Variants in EXD3 observed in about 807,000 individuals in gnomAD.
EXD3 encodes exonuclease mut-7 homolog.
In EXD3, 92 loss-of-function variants were observed where a neutral mutation model predicts 98.0. The ratio of observed to expected loss-of-function variants is 0.94; its 90% CI spans 0.79 to 1.12. EXD3 has a LOEUF of 1.12. Among genes scored for constraint, EXD3 ranks in the 50% most tolerant of loss-of-function variants. The probability of loss-of-function intolerance (pLI) is 0.00; values close to 1 mark genes in which losing one functional copy is unlikely to be tolerated. For synonymous variants in EXD3, 569 were observed against 526.0 expected (o/e 1.08, Z -1.12); for missense variants, 1,222 against 1,191.6 (o/e 1.03, Z -0.38).
chr9:137,324,006 G>T lies in EXD3; in HGVS notation c.2052+84C>A. 6.5e-7 allele frequency: 1 copy of T among 1,534,374 alleles called. No individual in the cohort carries two copies. The highest frequency in any genetic ancestry group is 2.4e-5 in the East Asian group (1 of 40,944). ...CTGGGGGTCGGCCCCACGGCAAGCT[G>T]ACCCTGAGGTGGGGGTGGCCGAGGG... On this transcript the variant is annotated intron_variant, in intron 18 of 21. Transcript: ENST00000340951. The surrounding 1 kb of genome is among the most constrained non-coding windows in gnomAD (Gnocchi z 4.1).
At chr9:137,331,531 C>T (rs1328171081) in intron 17 of EXD3, among the ~76,000 whole-genome samples, 1 of 152,222 alleles carries the variant, frequency 6.6e-6, no homozygotes, top group Non-Finnish European at 1.5e-5. Flanking sequence ...CTCCAAAAGA[C>T]TCCTCGATTT....
chr9:137,366,327 C>T, intron 7 of EXD3, 166 bp downstream of exon 7: 1 of 1,003,266 alleles, frequency 1.0e-6, no homozygotes, highest in Non-Finnish European at 1.5e-6. Context: ...CGCTCCTCTC[C>T]AGAGGCAGCT....
chr9:137,309,788 G>A, intron 19 of EXD3, 88 bp from the exon 20 acceptor site: 2 of 996,950 alleles, frequency 2.0e-6, no homozygotes, highest in Non-Finnish European at 3.0e-6. Flanking sequence ...CGAAGCTCTG[G>A]GTCTGGCCAT....
chr9:137,312,441 C>T (rs892807551), intron 19 of EXD3, among the ~76,000 whole-genome samples: 5 of 152,216 alleles, frequency 3.3e-5, no homozygotes, highest in Admixed American at 6.5e-5. Flanking sequence ...AGGGCACTTC[C>T]GCCCGGGACT....
rs1447289375 is a variant in EXD3 at position 137,360,998 on chromosome 9, C to T, written c.657-4630G>A. On this transcript the variant is annotated intron_variant, in intron 7 of 21. Transcript: ENST00000340951. Reference sequence around the variant, plus strand: ...CTTTGCACTTATTTTCCTGCCTTCCCGCCTGGCATGGGTCCTTGGTACAGT... The same window carrying T: ...CTTTGCACTTATTTTCCTGCCTTCCTGCCTGGCATGGGTCCTTGGTACAGT... Among the ~76,000 whole-genome samples, 6 of 86,544 alleles carry T rather than the reference C, an allele frequency of 6.9e-5. 2 individuals are homozygous for T. Among genetic ancestry groups the T allele is most frequent in the African/African-American group, 1.9e-4 (6 of 31,228 alleles). 56.8% of individuals were successfully genotyped at this position (86,544 alleles called of 152,430 possible). A position where few individuals can be genotyped will look rare whatever the true frequency, so the allele number is the denominator to read the frequency against.
At chr9:137,308,504 TGAGTGTGTCTTTGC>T (rs1474072910) in intron 20 of EXD3, among the ~76,000 whole-genome samples, 4 of 152,072 alleles carry the variant, frequency 2.6e-5, no homozygotes, top group African/African-American at 9.7e-5. Context: ...GGCTCTGGTC[TGAGTGTGTCTTTGC>T]GAGCGGGGGA....
intron 17 of EXD3, among the ~76,000 whole-genome samples, chr9:137,341,406 C>G (rs1215860769): frequency 6.6e-6 from 1 of 152,220 alleles, no homozygotes; most frequent in Non-Finnish European, 1.5e-5. Flanking sequence ...AGCACACAGT[C>G]ACACTCTGGC....
intron 7 of EXD3, among the ~76,000 whole-genome samples, chr9:137,364,971 T>G (rs1020940516): frequency 6.6e-6 from 1 of 151,858 alleles, no homozygotes; most frequent in African/African-American, 2.4e-5. Flanking sequence ...GGTTTCACTG[T>G]GTTAGCCAGG....
chr9:137,332,484 G>A (rs745671053), intron 17 of EXD3, among the ~76,000 whole-genome samples: 12 of 151,650 alleles, frequency 7.9e-5, no homozygotes, highest in Non-Finnish European at 1.5e-4. Flanking sequence ...CTACTTGGGA[G>A]GCTGAGGCAG....
chr9:137,374,373 C>T (rs1030426176), intron 3 of EXD3, among the ~76,000 whole-genome samples: 8 of 152,244 alleles, frequency 5.3e-5, no homozygotes, highest in African/African-American at 1.7e-4. Flanking sequence ...GCTCCAGCCA[C>T]GGGATGCGCC....
At chr9:137,353,613 C>G in intron 10 of EXD3, 1 of 986,022 alleles carries the variant, frequency 1.0e-6, no homozygotes, top group South Asian at 4.7e-5. Flanking sequence ...GCCACCGTGG[C>G]AGCGCCCAGC....
intron 7 of EXD3, chr9:137,365,394 C>T (rs1438947291): frequency 2.0e-5 from 3 of 153,258 alleles, no homozygotes; most frequent in African/African-American, 7.3e-5. Context: ...GCCCTGGAGC[C>T]TTCACAGACC....
intron 17 of EXD3, among the ~76,000 whole-genome samples, chr9:137,332,680 A>G (rs2119156364): frequency 6.6e-6 from 1 of 150,786 alleles, no homozygotes; most frequent in Middle Eastern, 3.5e-3. Flanking sequence ...CGTCTCTACT[A>G]AAAAGCACAA....
At position 137,395,421 on chromosome 9, in the gene EXD3, T is replaced by C; in HGVS notation, c.-47-17A>G. 1.2e-6 allele frequency: 2 copies of C among 1,610,362 alleles called. No individual in the cohort carries two copies. Among genetic ancestry groups the C allele is most frequent in the South Asian group, 2.2e-5 (2 of 90,878 alleles). On this transcript the variant is annotated splice_polypyrimidine_tract_variant and intron_variant, in intron 1 of 21. Coordinates refer to ENST00000340951, the MANE Select transcript of EXD3 (RefSeq NM_017820.5). This position sits in a 1 kb window ranked among gnomAD's most constrained non-coding sequence, Gnocchi z 6.5. ...AACGAGGATCTGCAGAAACAGACAA[T>C]CAGGTGAATGCAGAGCCCACTGCAA...
intron 2 of EXD3, chr9:137,392,506 G>C (rs1302578795): frequency 1.0e-5 from 2 of 195,130 alleles, no homozygotes; most frequent in Non-Finnish European, 2.2e-5. Flanking sequence ...CACCTCCTGG[G>C]AAGAAGCTGA....
chr9:137,309,951 A>C (rs1309254513), intron 19 of EXD3, among the ~76,000 whole-genome samples: 1 of 151,444 alleles, frequency 6.6e-6, no homozygotes. Context: ...AACTTGTGGG[A>C]CTCTCTGCCC....
In EXD3 at chr9:137,356,250, T is replaced by C. The variant is rs747911632; in HGVS notation, c.757+18A>G. On this transcript the variant is annotated intron_variant, in intron 8 of 21. Transcript: ENST00000340951. ...CTCTCCCTGGCCTGTGGGGCAGGAA[T>C]GTGGGGGCTGGACTCACCTGGGGCT... 1.9e-6 allele frequency: 3 copies of C among 1,573,128 alleles called. No homozygotes were observed. The South Asian group carries it at 3.4e-5, about 18-fold the overall frequency.
At chr9:137,394,621 G>A (rs1343292809) in intron 2 of EXD3, among the ~76,000 whole-genome samples, 1 of 152,154 alleles carries the variant, frequency 6.6e-6, no homozygotes, top group Admixed American at 6.5e-5. Flanking sequence ...GCAGGGTCTC[G>A]ATCTGTAGGA....
intron 19 of EXD3, among the ~76,000 whole-genome samples, chr9:137,319,363 T>C (rs1339926350): frequency 6.6e-6 from 1 of 152,218 alleles, no homozygotes; most frequent in Non-Finnish European, 1.5e-5. Context: ...TGCCCGTGCC[T>C]ACCTCTTTGG....
Sources: allele counts gnomAD v4.1 joint callset (sites outside exome capture counted in the v4.1 genomes callset), GRCh38; gene constraint gnomAD v4.1.1; non-coding constraint Gnocchi (gnomAD v3.1); transcripts MANE v1.5; gene names NCBI Gene and HGNC (gene_info 2026-07-23, HGNC 2026-07-21).